The following GBF1 variants were observed in gnomAD, a reference collection of about 807,000 sequenced individuals.
GBF1 encodes Golgi-specific brefeldin A-resistance guanine nucleotide exchange factor 1.
GBF1 carries 114 observed loss-of-function variants against 210.5 expected under a neutral mutation model. That is an observed-to-expected ratio of 0.54 (90% confidence interval 0.47 to 0.63). GBF1 has a LOEUF of 0.63. GBF1 is among the 30% of genes least tolerant of loss of function. The pLI, the probability that GBF1 is intolerant of heterozygous loss-of-function variation, is 0.00. For missense variants in GBF1, 1,851 were observed against 2,357.7 expected, an observed-to-expected ratio of 0.79 and a Z score of 4.45; for synonymous variants, 850 against 889.2, an observed-to-expected ratio of 0.96 and a Z score of 0.78.
chr10:102,337,295 G>GAACCCA (rs112989591), intron 3 of GBF1, among the ~76,000 whole-genome samples: 2 of 150,238 alleles, frequency 1.3e-5, no homozygotes, highest in African/African-American at 4.9e-5. Flanking sequence ...GAAGAATGGT[G>GAACCCA]CGTGGGGGAG....
chr10:102,344,035 G>A lies in GBF1; in HGVS notation c.164-16G>A. On this transcript the variant is annotated splice_polypyrimidine_tract_variant and intron_variant, in intron 3 of 39. Transcript: ENST00000369983. ...TCTTAGATGATACCTCTTCATTTCT[G>A]TGTATTTTCTTGCAGAACTCTCAGA... is the stretch of plus-strand genomic sequence containing the variant. 1 of 1,609,076 alleles carries A rather than the reference G, an allele frequency of 6.2e-7. No homozygotes were observed. Among genetic ancestry groups the A allele is most frequent in the South Asian group, 1.1e-5 (1 of 90,962 alleles).
intron 3 of GBF1, among the ~76,000 whole-genome samples, chr10:102,317,901 T>TA (rs146574493): frequency 2.0e-5 from 3 of 151,006 alleles, no homozygotes; most frequent in South Asian, 2.1e-4. Flanking sequence ...TATTTATTTA[T>TA]TTTTATTTAT....
chr10:102,258,347 G>T (rs1472895946), intron 1 of GBF1, among the ~76,000 whole-genome samples: 1 of 150,206 alleles, frequency 6.7e-6, no homozygotes, highest in East Asian at 2.0e-4. Context: ...GTGGAGAGAG[G>T]GTTTCTCCAT....
In GBF1 at chr10:102,376,998, A is replaced by G; in HGVS notation, c.4352A>G (p.Lys1451Arg). ...TATGACAGCAAAGGGAACCGCTTCA[A>G]GAAGAAATCCAAAGAGGGATCAATG... The part of the protein sequence containing the change: ...HKYDSKGNRF[K>R]KKSKEGSMLR... The change falls in exon 33 of 40, where the codon AAG becomes AGG. Residue 1451 changes from lysine to arginine, a missense_variant. Lys to Arg is a conservative substitution (Grantham distance 26). Coordinates refer to ENST00000369983, the MANE Select transcript of GBF1 (RefSeq NM_001377137.1). The G allele has an allele frequency of 6.2e-7, 1 of 1,614,224 alleles. No homozygotes were observed. The highest frequency in any genetic ancestry group is 1.1e-5 in the South Asian group (1 of 91,086).
rs112576697 is a variant in GBF1 at position 102,368,633 on chromosome 10, T to C, written c.2880-106T>C. On this transcript the variant is annotated intron_variant, in intron 22 of 39. Coordinates refer to ENST00000369983, the MANE Select transcript of GBF1 (RefSeq NM_001377137.1). ...TAAACAGAAACAAAATTAAAAGGTT[T>C]CTTCCTGGGACTGACTGGGGAAGAG... 5.4e-4 allele frequency: 477 copies of C among 887,344 alleles called. 2 individuals carry two copies. The African/African-American group carries it at 7.0e-3, about 13-fold the overall frequency. 55.0% of individuals were successfully genotyped at this position (887,344 alleles called of 1,614,324 possible).
the GBF1 span, among the ~76,000 whole-genome samples, chr10:102,235,441 C>A: frequency 6.6e-6 from 1 of 152,138 alleles, no homozygotes; most frequent in Non-Finnish European, 1.5e-5. Flanking sequence ...AGATTCACGT[C>A]CTGGCTGTAC....
intron 3 of GBF1, among the ~76,000 whole-genome samples, chr10:102,264,847 G>T (rs1437676133): frequency 1.3e-5 from 2 of 152,220 alleles, no homozygotes; most frequent in African/African-American, 4.8e-5. Context: ...TGTGCTGCCT[G>T]CAGGGCTGGG....
intron 3 of GBF1, among the ~76,000 whole-genome samples, chr10:102,270,578 TG>T (rs2074312250): frequency 6.6e-6 from 1 of 152,234 alleles, no homozygotes; most frequent in Non-Finnish European, 1.5e-5. Flanking sequence ...TATCCGTATA[TG>T]TGTATTATCA....
At chr10:102,316,377 C>A (rs892122484) in intron 3 of GBF1, among the ~76,000 whole-genome samples, 1 of 152,138 alleles carries the variant, frequency 6.6e-6, no homozygotes, top group African/African-American at 2.4e-5. Flanking sequence ...CATGAGCCAC[C>A]ACGCTCGGCC....
intron 3 of GBF1, among the ~76,000 whole-genome samples, chr10:102,301,394 C>T (rs1175590878): frequency 1.3e-5 from 2 of 152,212 alleles, no homozygotes; most frequent in Non-Finnish European, 2.9e-5. Context: ...TACACAGACA[C>T]AGCAACAATC....
At chr10:102,300,771 T>G (rs959130999) in intron 3 of GBF1, among the ~76,000 whole-genome samples, 63 of 152,316 alleles carry the variant, frequency 4.1e-4, no homozygotes, top group African/African-American at 1.4e-3. Flanking sequence ...TCAGTTTGCT[T>G]CTTTTATAGC....
At position 102,343,121 on chromosome 10, in the gene GBF1, G is replaced by A. The variant is rs189584892; in HGVS notation, c.164-930G>A. On this transcript the variant is annotated intron_variant, in intron 3 of 39. Transcript: ENST00000369983. ...GCTAACTCTAGGCAGGAAACAGGCC[G>A]GACAGTGGTTACGAACTTCCAAGAT... Among the ~76,000 whole-genome samples the A allele has an allele frequency of 1.4e-3, 219 of 152,260 alleles. 3 individuals carry two copies. Among genetic ancestry groups the A allele is most frequent in the Non-Finnish European group, 2.9e-4 (20 of 68,018 alleles).
intron 33 of GBF1, among the ~76,000 whole-genome samples, chr10:102,378,020 C>A (rs919952350): frequency 1.3e-5 from 2 of 149,690 alleles, no homozygotes; most frequent in African/African-American, 4.9e-5. Flanking sequence ...GAGATGGAGA[C>A]CACCCTGGCT....
chr10:102,312,282 T>C (rs2133997243), intron 3 of GBF1, among the ~76,000 whole-genome samples: 1 of 148,320 alleles, frequency 6.7e-6, no homozygotes, highest in Non-Finnish European at 1.5e-5. Context: ...AACAAGAGCG[T>C]AACTCTGTCT....
At chr10:102,259,929 C>A in intron 2 of GBF1, 121 bp from the exon 3 acceptor site, 1 of 625,310 alleles carries the variant, frequency 1.6e-6, no homozygotes. Flanking sequence ...TTCTTTTCCT[C>A]AGAAGGAAAA....
At position 102,248,194 on chromosome 10, in the gene GBF1, T is replaced by G. The variant is rs1371082323; in HGVS notation, c.-11+2413T>G. Among the ~76,000 whole-genome samples, 7 of 152,304 alleles carry G rather than the reference T, an allele frequency of 4.6e-5. No individual in the cohort carries two copies. The East Asian group carries it at 1.3e-3, about 29-fold the overall frequency. The stretch of plus-strand genomic sequence containing the variant: ...TGTTGGGTTAATGGTGGGATTGAAT[T>G]TAAGGGTGTATGTTTTTGTTGACAT... On this transcript the variant is annotated intron_variant, in intron 1 of 39. Coordinates refer to ENST00000369983, the MANE Select transcript of GBF1 (RefSeq NM_001377137.1).
At chr10:102,300,644 G>T (rs1160021251) in intron 3 of GBF1, among the ~76,000 whole-genome samples, 1 of 152,176 alleles carries the variant, frequency 6.6e-6, no homozygotes, top group Non-Finnish European at 1.5e-5. Context: ...CAGGAAGCAG[G>T]GGGGAAAGGG....
intron 3 of GBF1, among the ~76,000 whole-genome samples, chr10:102,308,127 C>G (rs979484159): frequency 4.7e-5 from 7 of 149,454 alleles, no homozygotes; most frequent in African/African-American, 1.7e-4. Context: ...AAGAATATGC[C>G]CAGCAGGTAA....
intron 3 of GBF1, among the ~76,000 whole-genome samples, chr10:102,326,345 C>T (rs991084810): frequency 6.6e-6 from 1 of 152,196 alleles, no homozygotes; most frequent in Admixed American, 6.5e-5. Flanking sequence ...CTGAAAACCT[C>T]ATTTTTCTAC....
Sources: gnomAD v4.1 joint callset for allele counts (sites outside exome capture counted in the v4.1 genomes callset) on GRCh38, gnomAD v4.1.1 for gene constraint, MANE v1.5 for transcripts, NCBI Gene and HGNC (gene_info 2026-07-23, HGNC 2026-07-21) for gene names.